Variants in TASP1 observed in about 807,000 individuals in gnomAD.
The protein encoded by TASP1 is threonine aspartase 1.
A neutral mutation model predicts 56.6 loss-of-function variants in TASP1; 16 were observed. The observed-to-expected ratio is 0.28, with a 90% CI of 0.19 to 0.43. TASP1 has a LOEUF of 0.43. TASP1 is among the 20% of genes least tolerant of loss of function. The pLI, the probability that TASP1 is intolerant of heterozygous loss-of-function variation, is 1.00. For missense variants in TASP1, 393 were observed against 511.6 expected, an observed-to-expected ratio of 0.77 and a Z score of 2.24; for synonymous variants, 179 against 184.2, an observed-to-expected ratio of 0.97 and a Z score of 0.23.
intron 1 of TASP1, among the ~76,000 whole-genome samples, chr20:13,632,750 C>A (rs1281957814): frequency 6.6e-6 from 1 of 152,150 alleles, no homozygotes; most frequent in African/African-American, 2.4e-5. Context: ...AGAAATGAAG[C>A]AACTTCTACT....
rs1188592114 is a variant in TASP1, at chr20:13,590,702, C to T, written c.283-3332G>A. 2.8e-4 allele frequency among the ~76,000 whole-genome samples: 42 copies of T among 151,978 alleles called. 1 individual carries two copies. Among genetic ancestry groups the T allele is most frequent in the Admixed American group, 9.2e-4 (14 of 15,254 alleles). On this transcript the variant is annotated intron_variant, in intron 4 of 13. Coordinates refer to ENST00000337743, the MANE Select transcript of TASP1 (RefSeq NM_017714.3). ...CCAACATGGTGAAACCCCATCTCTA[C>T]TAAAAATACAAAAATTAGCTGGGCA...
chr20:13,127,503 A>C, the TASP1 span, among the ~76,000 whole-genome samples: 1 of 152,232 alleles, frequency 6.6e-6, no homozygotes, highest in Non-Finnish European at 1.5e-5. Context: ...TGTTTAATGC[A>C]ATGCTTCAAG....
chr20:13,599,383 T>C (rs763697188), intron 4 of TASP1, among the ~76,000 whole-genome samples: 1 of 152,148 alleles, frequency 6.6e-6, no homozygotes, highest in African/African-American at 2.4e-5. Flanking sequence ...TGCAGGGACA[T>C]GGAAGAAGCT....
At chr20:13,445,287 T>C (rs1451639705) in intron 11 of TASP1, among the ~76,000 whole-genome samples, 4 of 152,186 alleles carry the variant, frequency 2.6e-5, no homozygotes, top group Non-Finnish European at 5.9e-5. Context: ...TACCTAATAC[T>C]GTACTAGAAA....
At chr20:13,381,228 G>A in the TASP1 span, among the ~76,000 whole-genome samples, 32 of 152,336 alleles carry the variant, frequency 2.1e-4, no homozygotes, top group South Asian at 6.4e-3. Flanking sequence ...GGAATCTCCT[G>A]GTCTGTGGGT....
chr20:13,597,830 A>T (rs1439270868), intron 4 of TASP1, among the ~76,000 whole-genome samples: 1 of 152,242 alleles, frequency 6.6e-6, no homozygotes, highest in Non-Finnish European at 1.5e-5. Flanking sequence ...CAACTTCAGC[A>T]AAGTCTCAGG....
At chr20:13,215,905 G>A in the TASP1 span, among the ~76,000 whole-genome samples, 1 of 152,186 alleles carries the variant, frequency 6.6e-6, no homozygotes, top group African/African-American at 2.4e-5. Flanking sequence ...ACCTCTGATT[G>A]TGGTGATTTT....
At chr20:13,570,801 T>G (rs1393071804) in intron 6 of TASP1, among the ~76,000 whole-genome samples, 1 of 152,158 alleles carries the variant, frequency 6.6e-6, no homozygotes, top group Non-Finnish European at 1.5e-5. Flanking sequence ...CACATAAACT[T>G]CAAATGTTAA....
At chr20:13,139,278 G>C in the TASP1 span, among the ~76,000 whole-genome samples, 7 of 152,178 alleles carry the variant, frequency 4.6e-5, no homozygotes, top group Non-Finnish European at 8.8e-5. Flanking sequence ...TTGGGATTTT[G>C]AGTCTTTGAA....
At chr20:13,558,097 A>G (rs544763143) in intron 8 of TASP1, among the ~76,000 whole-genome samples, 5 of 152,346 alleles carry the variant, frequency 3.3e-5, no homozygotes, top group Non-Finnish European at 5.9e-5. Context: ...CTATCACTAC[A>G]AAAGATGATG....
intron 11 of TASP1, among the ~76,000 whole-genome samples, chr20:13,459,869 C>T (rs931683609): frequency 2.0e-5 from 3 of 152,026 alleles, no homozygotes; most frequent in East Asian, 1.9e-4. Context: ...CACCTCTGCC[C>T]GAACACACAC....
intron 4 of TASP1, among the ~76,000 whole-genome samples, chr20:13,601,585 A>AT (rs2047958624): frequency 6.6e-6 from 1 of 152,214 alleles, no homozygotes; most frequent in Non-Finnish European, 1.5e-5. Context: ...AATTCCAAAA[A>AT]TATTAGTTAC....
chr20:13,219,307 C>A, the TASP1 span, among the ~76,000 whole-genome samples: 6 of 152,144 alleles, frequency 3.9e-5, no homozygotes, highest in African/African-American at 1.4e-4. Flanking sequence ...TCTATTTCGG[C>A]GCTGATTCTC....
chr20:13,471,152 A>G (rs1352021229), intron 11 of TASP1, among the ~76,000 whole-genome samples: 1 of 152,226 alleles, frequency 6.6e-6, no homozygotes, highest in African/African-American at 2.4e-5. Flanking sequence ...AACATAAACC[A>G]GAGTAGGAGG....
the TASP1 span, among the ~76,000 whole-genome samples, chr20:13,280,630 TGTGTCCAGCTG>T: frequency 6.6e-6 from 1 of 152,230 alleles, no homozygotes; most frequent in Non-Finnish European, 1.5e-5. Flanking sequence ...CTGGATATTC[TGTGTCCAGCTG>T]GTGTCCAGGG....
At chr20:13,128,396 C>T in the TASP1 span, among the ~76,000 whole-genome samples, 3 of 152,144 alleles carry the variant, frequency 2.0e-5, no homozygotes, top group African/African-American at 7.2e-5. Context: ...GTTTGCATCA[C>T]ATCTAATACC....
At chr20:13,537,701 G>C (rs936026358) in intron 8 of TASP1, among the ~76,000 whole-genome samples, 4 of 152,150 alleles carry the variant, frequency 2.6e-5, no homozygotes, top group African/African-American at 9.7e-5. Context: ...AAAAGCAACT[G>C]TATAAAACTA....
At chr20:13,113,422 C>A in the TASP1 span, among the ~76,000 whole-genome samples, 6,689 of 152,148 alleles carry the variant, frequency 0.044, 483 homozygotes, top group African/African-American at 0.15. Context: ...CCACATACAT[C>A]AATTTTTTCA....
chr20:13,519,182 G>A (rs372261252), intron 10 of TASP1, among the ~76,000 whole-genome samples: 147 of 152,142 alleles, frequency 9.7e-4, no homozygotes, highest in Non-Finnish European at 1.0e-3. Context: ...ACTAGAGTGC[G>A]GAGGAAAGAA....
Sources: gnomAD v4.1 joint callset for allele counts (sites outside exome capture counted in the v4.1 genomes callset) on GRCh38, gnomAD v4.1.1 for gene constraint, MANE v1.5 for transcripts, NCBI Gene and HGNC (gene_info 2026-07-23, HGNC 2026-07-21) for gene names.